Variants in ZNF875 observed in about 807,000 individuals in gnomAD.
The protein encoded by ZNF875 is HKR1, GLI-Kruppel zinc finger family member.
In ZNF875, 14 loss-of-function variants were observed where a neutral mutation model predicts 11.2. The ratio of observed to expected loss-of-function variants is 1.26; its 90% confidence interval spans 0.83 to 1.96. The LOEUF (loss-of-function observed/expected upper bound fraction) is 1.96. Ranked by LOEUF, ZNF875 falls within the 30% of genes most tolerant of loss-of-function variation. ZNF875 has a pLI of 0.00. For synonymous variants in ZNF875, 301 were observed against 281.1 expected (o/e 1.07, Z -0.71); for missense variants, 752 against 760.4 (o/e 0.99, Z 0.13).
At chr19:37,334,506 C>T (rs2033871417), upstream of ZNF875, 4 of 340,326 alleles carry the variant, frequency 1.2e-5, no homozygotes, top group South Asian at 6.5e-5. Flanking sequence ...GTTGTGTGCG[C>T]TGTGCAGATG....
In ZNF875 at chr19:37,363,791, A is replaced by C. The variant is rs2040390564; in HGVS notation, c.*16A>C. On this transcript the variant is annotated 3_prime_UTR_variant, in exon 5 of 5. Coordinates refer to ENST00000392153, the MANE Select transcript of ZNF875 (RefSeq NM_001353803.2). Reference sequence around the variant, plus strand: ...CTCAGGATAGAAACTTTATGTGTATAGGGAATGTGGTACAGCCTTTAGCCA... The same window carrying C: ...CTCAGGATAGAAACTTTATGTGTATCGGGAATGTGGTACAGCCTTTAGCCA... The C allele has an allele frequency of 6.2e-7, 1 of 1,601,848 alleles. No homozygotes were observed. The highest frequency in any genetic ancestry group is 1.7e-5 in the Admixed American group (1 of 59,788).
Position 37,347,186 on chromosome 19 carries a change from A to G in ZNF875, c.34-4A>G. The G allele has an allele frequency of 2.5e-6, 4 of 1,613,982 alleles. No individual in the cohort carries two copies. Among genetic ancestry groups the G allele is most frequent in the Non-Finnish European group, 3.4e-6 (4 of 1,179,958 alleles). ...GGTGAGCAGAGGTGTGTTTTGTGTT[A>G]AAGGCGTTCGTGGCATTCAGGGATG... On this transcript the variant is annotated splice_polypyrimidine_tract_variant and splice_region_variant and intron_variant, in intron 2 of 4. Coordinates refer to ENST00000392153, the MANE Select transcript of ZNF875 (RefSeq NM_001353803.2).
At chr19:37,325,328 C>T (rs6508715) in intron 4 of ZNF875, among the ~76,000 whole-genome samples, 1 of 151,676 alleles carries the variant, frequency 6.6e-6, no homozygotes, top group Non-Finnish European at 1.5e-5. Flanking sequence ...TTGTGGTTCT[C>T]ATGTTTCTGC....
upstream of ZNF875, among the ~76,000 whole-genome samples, chr19:37,330,145 A>G (rs537558140): frequency 3.0e-4 from 45 of 152,204 alleles, no homozygotes; most frequent in East Asian, 7.7e-4. Context: ...ATTTTTACCT[A>G]TCTTTTAAAT....
At chr19:37,361,107 TCC>T (rs1491098381) in intron 4 of ZNF875, among the ~76,000 whole-genome samples, 1 of 143,244 alleles carries the variant, frequency 7.0e-6, no homozygotes, top group Non-Finnish European at 1.5e-5. Context: ...GTTTGTCTTC[TCC>T]TTTTTTTTTT....
intron 1 of ZNF875, among the ~76,000 whole-genome samples, chr19:37,320,203 C>G (rs1181104439): frequency 6.6e-6 from 1 of 152,218 alleles, no homozygotes; most frequent in Non-Finnish European, 1.5e-5. Context: ...CCTGCAGTTC[C>G]ATCAGCCAAG....
At chr19:37,349,963 CCTT>C (rs1221303334) in intron 4 of ZNF875, among the ~76,000 whole-genome samples, 1 of 101,426 alleles carries the variant, frequency 9.9e-6, no homozygotes, top group Non-Finnish European at 1.8e-5. Flanking sequence ...CCCCCACTGG[CCTT>C]TTTTTTTTTT....
At chr19:37,341,193 A>T (rs1225905672) in intron 2 of ZNF875, among the ~76,000 whole-genome samples, 2 of 152,206 alleles carry the variant, frequency 1.3e-5, no homozygotes, top group Non-Finnish European at 2.9e-5. Context: ...ATATCACGTG[A>T]TCCCTCTATC....
intron 1 of ZNF875, among the ~76,000 whole-genome samples, chr19:37,319,105 G>C (rs2030741099): frequency 6.7e-6 from 1 of 149,954 alleles, no homozygotes; most frequent in Admixed American, 6.6e-5. Flanking sequence ...GGAGTGCAAT[G>C]GTGTGATCTT....
chr19:37,361,790 G>A (rs934306084), intron 4 of ZNF875, among the ~76,000 whole-genome samples: 6 of 151,958 alleles, frequency 3.9e-5, no homozygotes, highest in East Asian at 1.9e-4. Context: ...AGTCTTGGAC[G>A]CCTGTAATCC....
chr19:37,327,712 C>T (rs1276502057), intron 4 of ZNF875, among the ~76,000 whole-genome samples: 2 of 149,464 alleles, frequency 1.3e-5, no homozygotes, highest in African/African-American at 2.5e-5. Context: ...TGCAGTGAGC[C>T]GTGATCTTGC....
intron 4 of ZNF875, among the ~76,000 whole-genome samples, chr19:37,358,191 C>G (rs184670165): frequency 1.3e-4 from 16 of 127,004 alleles, no homozygotes; most frequent in African/African-American, 5.0e-4. Context: ...GTCACCCTGG[C>G]TGGAGTGCAG....
chr19:37,332,214 C>A (rs1227018878), upstream of ZNF875, among the ~76,000 whole-genome samples: 3 of 149,060 alleles, frequency 2.0e-5, no homozygotes, highest in African/African-American at 7.4e-5. Flanking sequence ...ACTAAGGGAA[C>A]TCAGAGGCTG....
chr19:37,317,270 C>T (rs1285798981), upstream of ZNF875: 1 of 137,850 alleles, frequency 7.3e-6, no homozygotes, highest in East Asian at 2.4e-4. Context: ...ACTGCAAGCT[C>T]CTCCTCCCGG....
intron 3 of ZNF875, 165 bp downstream of exon 3, chr19:37,347,481 A>T: frequency 1.5e-6 from 1 of 659,526 alleles, no homozygotes; most frequent in Non-Finnish European, 2.6e-6. Flanking sequence ...GAAAGCAGAC[A>T]GATTGATTTA....
intron 2 of ZNF875, among the ~76,000 whole-genome samples, chr19:37,342,511 C>G (rs538778291): frequency 1.3e-5 from 2 of 151,116 alleles, no homozygotes; most frequent in Admixed American, 1.3e-4. Context: ...CTCCCAGGTT[C>G]AAGCAATTCT....
chr19:37,336,863 G>A (rs1055852611), intron 2 of ZNF875, among the ~76,000 whole-genome samples: 2 of 151,814 alleles, frequency 1.3e-5, no homozygotes, highest in African/African-American at 2.4e-5. Context: ...AGCTGAGATC[G>A]CACCACTGCA....
chr19:37,344,999 C>T lies in ZNF875; in HGVS notation c.34-2191C>T, dbSNP rs141591406. On this transcript the variant is annotated intron_variant, in intron 2 of 4. Coordinates refer to ENST00000392153, the MANE Select transcript of ZNF875 (RefSeq NM_001353803.2). ...GGAAGCCTTGTACATTGAACACTCA[C>T]ATACCCATCACCTAGATTCTCAGTG... 362 of 471,010 alleles carry T rather than the reference C, an allele frequency of 7.7e-4. 1 individual carries two copies. Among genetic ancestry groups the T allele is most frequent in the African/African-American group, 4.9e-3 (251 of 51,050 alleles). 29.2% of individuals were successfully genotyped at this position (471,010 alleles called of 1,614,324 possible). A position where few individuals can be genotyped will look rare whatever the true frequency, so the allele number is the denominator to read the frequency against.
chr19:37,323,257 A>G (rs2031838191), intron 2 of ZNF875, among the ~76,000 whole-genome samples: 1 of 151,416 alleles, frequency 6.6e-6, no homozygotes, highest in African/African-American at 2.4e-5. Context: ...GGGTTCAAGC[A>G]ATTCTCTTGC....
Sources: allele counts gnomAD v4.1 joint callset (sites outside exome capture counted in the v4.1 genomes callset), GRCh38; gene constraint gnomAD v4.1.1; transcripts MANE v1.5; gene names NCBI Gene and HGNC (gene_info 2026-07-23, HGNC 2026-07-21).